Variants in ZNF346 observed in about 807,000 individuals in gnomAD.
ZNF346 encodes the protein zinc finger protein 346, also known as double-stranded RNA-binding zinc finger protein JAZ.
Under a neutral mutation model 33.7 loss-of-function variants are expected in ZNF346, and 23 were observed. That is an observed-to-expected ratio of 0.68 (90% CI 0.49 to 0.97). The LOEUF (loss-of-function observed/expected upper bound fraction) is 0.97. Ranked by LOEUF, ZNF346 falls within the 50% of genes least tolerant of loss-of-function variation. The pLI is 0.00. For synonymous variants in ZNF346, 134 were observed against 142.4 expected, an observed-to-expected ratio of 0.94 and a Z score of 0.42; for missense variants, 340 against 371.1, an observed-to-expected ratio of 0.92 and a Z score of 0.69.
chr5:177,041,749 T>C (rs372385611), intron 2 of ZNF346, 29 bp from the exon 3 acceptor site: 2 of 1,427,574 alleles, frequency 1.4e-6, no homozygotes, highest in Non-Finnish European at 2.0e-6. Context: ...CATTTGGCTA[T>C]CTTTGATCTT....
chr5:177,047,489 C>T (rs1780240831), intron 4 of ZNF346, among the ~76,000 whole-genome samples: 1 of 151,868 alleles, frequency 6.6e-6, no homozygotes, highest in Non-Finnish European at 1.5e-5. Context: ...CAGGTGCCCA[C>T]CACCATACCC....
At chr5:177,028,957 A>G (rs1276429190) in intron 1 of ZNF346, among the ~76,000 whole-genome samples, 1 of 151,498 alleles carries the variant, frequency 6.6e-6, no homozygotes, top group Non-Finnish European at 1.5e-5. Context: ...CTGACCTCGT[A>G]ATCTGCCCTC....
intron 5 of ZNF346, among the ~76,000 whole-genome samples, chr5:177,054,420 T>C (rs1263954259): frequency 6.6e-6 from 1 of 151,160 alleles, no homozygotes; most frequent in Non-Finnish European, 1.5e-5. Context: ...TTTTTTGAGA[T>C]GGACTTTCGC....
intron 5 of ZNF346, 76 bp from the exon 6 acceptor site, chr5:177,061,982 T>G: frequency 7.5e-7 from 1 of 1,328,508 alleles, no homozygotes; most frequent in Non-Finnish European, 1.1e-6. Flanking sequence ...GAAGGGCATT[T>G]GTACACTCTG....
chr5:177,061,194 C>A (rs1353000648), intron 5 of ZNF346, among the ~76,000 whole-genome samples: 1 of 151,960 alleles, frequency 6.6e-6, no homozygotes, highest in Non-Finnish European at 1.5e-5. Context: ...CGCCTATAAT[C>A]CCAGCGCTTT....
At position 177,050,892 on chromosome 5, in the gene ZNF346, C is replaced by T. The variant is rs1780767647; in HGVS notation, c.659C>T (p.Ala220Val). ...RKQETKLKLMARYGRLADPAV... is the reference protein window; with the variant it reads ...RKQETKLKLMVRYGRLADPAV... Reference sequence around the variant, plus strand: ...CAGGAGACCAAGCTCAAACTAATGGCACGCTATGGGCGGCTGGCGGACCCT... The same window carrying T: ...CAGGAGACCAAGCTCAAACTAATGGTACGCTATGGGCGGCTGGCGGACCCT... Residue 220 changes from alanine (A) to valine (V), a missense_variant, in exon 5 of 7, where the codon GCA (alanine) becomes GTA (valine). Transcript: ENST00000358149. 2 of 1,614,068 alleles carry T rather than the reference C, an allele frequency of 1.2e-6. No individual in the cohort carries two copies. The highest frequency in any genetic ancestry group is 1.1e-5 in the South Asian group (1 of 91,086).
intron 1 of ZNF346, among the ~76,000 whole-genome samples, chr5:177,031,506 C>T (rs150810490): frequency 0.011 from 1,745 of 152,118 alleles, 11 homozygotes; most frequent in South Asian, 0.025. Context: ...AGTCATTTTT[C>T]TCTCTCTCTC....
In ZNF346 at chr5:177,028,040, CTTTTTTTTTTTTTTT is replaced by C. The variant is rs10682528; in HGVS notation, c.175+5145_175+5159del. 1.7e-3 allele frequency among the ~76,000 whole-genome samples: 57 copies of C among 33,542 alleles called. 1 individual carries two copies. The highest frequency in any genetic ancestry group is 7.1e-3 in the African/African-American group (51 of 7,220). The allele number at this position is 33,542 out of a possible 152,430, so 22.0% of individuals were successfully genotyped here. On this transcript the variant is annotated intron_variant, in intron 1 of 6. Coordinates refer to ENST00000358149, the MANE Select transcript of ZNF346 (RefSeq NM_012279.4). The stretch of plus-strand genomic sequence containing the variant: ...GAATATTTTGTTTCTCCTTGTGTCA[CTTTTTTTTTTTTTTT>C]TTTTTTTTTTTTTTTTTGAGACGGG...
chr5:177,060,083 G>T (rs1278167368), intron 5 of ZNF346, among the ~76,000 whole-genome samples: 1 of 152,198 alleles, frequency 6.6e-6, no homozygotes, highest in Non-Finnish European at 1.5e-5. Flanking sequence ...TAGGGCAGCG[G>T]GCCTTCACCC....
intron 4 of ZNF346, 22 bp downstream of exon 4, chr5:177,044,555 G>C (rs1426331023): frequency 6.2e-7 from 1 of 1,612,326 alleles, no homozygotes; most frequent in African/African-American, 1.3e-5. Flanking sequence ...CCTGAGTAGT[G>C]CTATAGTGGG....
chr5:177,044,673 A>G (rs1779800876), intron 4 of ZNF346, 140 bp downstream of exon 4: 1 of 840,338 alleles, frequency 1.2e-6, no homozygotes, highest in Middle Eastern at 3.7e-4. Context: ...AAAATCTCCA[A>G]GTAGACCCAG....
At chr5:177,025,260 A>G (rs1561956638) in intron 1 of ZNF346, among the ~76,000 whole-genome samples, 2 of 152,200 alleles carry the variant, frequency 1.3e-5, no homozygotes, top group Non-Finnish European at 2.9e-5. Flanking sequence ...TTATTGCTAA[A>G]TAGAATTCCA....
At chr5:177,042,079 AATTG>A in intron 3 of ZNF346, 1 of 453,960 alleles carries the variant, frequency 2.2e-6, no homozygotes, top group Non-Finnish European at 4.0e-6. Context: ...TTAGAACTAA[AATTG>A]AGGGCAGATT....
intron 5 of ZNF346, among the ~76,000 whole-genome samples, chr5:177,060,720 A>G (rs1562028999): frequency 1.3e-5 from 2 of 152,150 alleles, no homozygotes; most frequent in Non-Finnish European, 2.9e-5. Context: ...AGGCAGGAGA[A>G]TCGCTTGAAC....
chr5:177,058,471 CAATAAAATAA>C (rs370436537), intron 5 of ZNF346, among the ~76,000 whole-genome samples: 1 of 151,742 alleles, frequency 6.6e-6, no homozygotes, highest in Admixed American at 6.6e-5. Flanking sequence ...AACTCCATCT[CAATAAAATAA>C]AATAAAATAA....
chr5:177,046,209 G>C (rs1057050758), intron 4 of ZNF346, among the ~76,000 whole-genome samples: 5 of 150,488 alleles, frequency 3.3e-5, no homozygotes, highest in Non-Finnish European at 5.9e-5. Context: ...ACTGAGGCAA[G>C]AGAATCGCTT....
intron 1 of ZNF346, among the ~76,000 whole-genome samples, chr5:177,024,622 CAG>C (rs1448153878): frequency 6.6e-6 from 1 of 152,172 alleles, no homozygotes; most frequent in East Asian, 1.9e-4. Flanking sequence ...GCTGGAGTAT[CAG>C]AGGAAGATAC....
chr5:177,058,867 A>C (rs1168875179), intron 5 of ZNF346, among the ~76,000 whole-genome samples: 2 of 152,214 alleles, frequency 1.3e-5, no homozygotes, highest in Non-Finnish European at 2.9e-5. Context: ...TAATGACTTC[A>C]GCTGACAAGG....
In ZNF346 at chr5:177,066,743, A is replaced by T; in HGVS notation, c.*2144A>T. 7.3e-6 allele frequency among the ~76,000 whole-genome samples: 1 copy of T among 137,612 alleles called. No homozygotes were observed. The highest frequency in any genetic ancestry group is 2.3e-4 in the South Asian group (1 of 4,420). The allele number at this position is 137,612 out of a possible 152,430, so 90.3% of individuals were successfully genotyped here. A position where few individuals can be genotyped will look rare whatever the true frequency, so the allele number is the denominator to read the frequency against. ...AGGGCAACATAACAAGACTCTATCT[A>T]AAAAAAAAAAAAAATTATAAAAATA... On this transcript the variant is annotated 3_prime_UTR_variant, in exon 7 of 7. Coordinates refer to ENST00000358149, the MANE Select transcript of ZNF346 (RefSeq NM_012279.4).
Sources: allele counts gnomAD v4.1 joint callset (sites outside exome capture counted in the v4.1 genomes callset), GRCh38; gene constraint gnomAD v4.1.1; transcripts MANE v1.5; gene names NCBI Gene and HGNC (gene_info 2026-07-23, HGNC 2026-07-21).